CREG2: variants seen among roughly 807,000 people sequenced by gnomAD.
CREG2 encodes cellular repressor of E1A stimulated genes 2.
CREG2 carries 24 observed loss-of-function variants against 26.2 expected under a neutral mutation model. The ratio of observed to expected loss-of-function variants is 0.92; its 90% CI spans 0.66 to 1.29. The LOEUF is 1.29. Among genes scored for constraint, CREG2 ranks in the 50% most tolerant of loss-of-function variants. The probability of loss-of-function intolerance (pLI) is 0.00; values close to 1 mark genes in which losing one functional copy is unlikely to be tolerated. For missense variants in CREG2, 366 were observed against 398.6 expected (o/e 0.92, Z 0.70); for synonymous variants, 174 against 169.2 (o/e 1.03, Z -0.22).
chr2:101,381,434 G>C (rs1391123031), intron 2 of CREG2, among the ~76,000 whole-genome samples: 1 of 152,242 alleles, frequency 6.6e-6, no homozygotes, highest in Non-Finnish European at 1.5e-5. Flanking sequence ...CTTGGAATGC[G>C]AACCTCACAC....
intron 2 of CREG2, among the ~76,000 whole-genome samples, chr2:101,361,218 A>G (rs1684534524): frequency 6.6e-6 from 1 of 152,244 alleles, no homozygotes; most frequent in Admixed American, 6.5e-5. Flanking sequence ...GCATTTACAC[A>G]GTGGAAAACC....
At chr2:101,353,227 T>C in intron 3 of CREG2, among the ~76,000 whole-genome samples, 1 of 152,392 alleles carries the variant, frequency 6.6e-6, no homozygotes, top group African/African-American at 2.4e-5. Context: ...TCTCTGATGA[T>C]AGCTTCTTTT....
chr2:101,355,191 C>G, intron 3 of CREG2, 62 bp downstream of exon 3: 1 of 1,105,658 alleles, frequency 9.0e-7, no homozygotes, highest in South Asian at 1.3e-5. Flanking sequence ...ATGGCACAGC[C>G]TGACCTCTGC....
chr2:101,368,928 G>A (rs1273401343), intron 2 of CREG2, among the ~76,000 whole-genome samples: 2 of 152,164 alleles, frequency 1.3e-5, no homozygotes, highest in Non-Finnish European at 2.9e-5. Flanking sequence ...CACCCAGTCT[G>A]TGGTATTTTG....
intron 2 of CREG2, among the ~76,000 whole-genome samples, chr2:101,369,968 G>A (rs868779203): frequency 4.6e-5 from 7 of 152,304 alleles, no homozygotes; most frequent in South Asian, 2.1e-4. Flanking sequence ...TTTCTGAAAC[G>A]TGGTGGGGGT....
chr2:101,366,539 T>C (rs1014041637), intron 2 of CREG2, among the ~76,000 whole-genome samples: 16 of 152,054 alleles, frequency 1.1e-4, no homozygotes, highest in African/African-American at 2.4e-5. Flanking sequence ...ATAATACAAA[T>C]AGGCCAGGCG....
chr2:101,353,873 C>A (rs890458450), intron 3 of CREG2, among the ~76,000 whole-genome samples: 5 of 152,230 alleles, frequency 3.3e-5, no homozygotes, highest in South Asian at 2.1e-4. Flanking sequence ...AGCAAAAAAA[C>A]CAAACACTGC....
At chr2:101,372,017 C>A (rs1420431816) in intron 2 of CREG2, among the ~76,000 whole-genome samples, 1 of 152,042 alleles carries the variant, frequency 6.6e-6, no homozygotes, top group East Asian at 1.9e-4. Context: ...TTTTTGAAGG[C>A]CAGGTCAGGT....
chr2:101,355,210 A>T, intron 3 of CREG2, 43 bp downstream of exon 3: 2 of 1,233,746 alleles, frequency 1.6e-6, no homozygotes, highest in Non-Finnish European at 2.4e-6. Context: ...GCTTATTAGT[A>T]TTGTGTATTT....
At chr2:101,375,110 C>T (rs915975523) in intron 2 of CREG2, among the ~76,000 whole-genome samples, 1 of 152,206 alleles carries the variant, frequency 6.6e-6, no homozygotes, top group African/African-American at 2.4e-5. Flanking sequence ...TCCCCGCACA[C>T]TATCCCAGTT....
At chr2:101,369,735 C>T (rs866222724) in intron 2 of CREG2, among the ~76,000 whole-genome samples, 5 of 152,204 alleles carry the variant, frequency 3.3e-5, no homozygotes, top group African/African-American at 7.2e-5. Flanking sequence ...TTATCCGTGA[C>T]GGTGTTTAGC....
chr2:101,366,513 A>G (rs1166949930), intron 2 of CREG2, among the ~76,000 whole-genome samples: 1 of 152,140 alleles, frequency 6.6e-6, no homozygotes, highest in African/African-American at 2.4e-5. Flanking sequence ...AAAAAGCTAC[A>G]GTACAAAATA....
chr2:101,357,483 C>A (rs1684478843), intron 2 of CREG2, among the ~76,000 whole-genome samples: 1 of 152,140 alleles, frequency 6.6e-6, no homozygotes, highest in Admixed American at 6.5e-5. Context: ...ACAGCTTGTG[C>A]CTTATGCTGT....
intron 2 of CREG2, among the ~76,000 whole-genome samples, chr2:101,380,004 T>TATCTATC (rs1553447751): frequency 6.0e-5 from 9 of 149,714 alleles, no homozygotes; most frequent in African/African-American, 2.0e-4. Flanking sequence ...TCTATCTATC[T>TATCTATC]ATCTATCTAT....
In CREG2 at chr2:101,379,952, G is replaced by C. The variant is rs561874128; in HGVS notation, c.611+3581C>G. On this transcript the variant is annotated intron_variant, in intron 2 of 3. Coordinates refer to ENST00000324768, the MANE Select transcript of CREG2 (RefSeq NM_153836.4). ...TATTCGCTCTTTTGAATAGAGAAGA[G>C]TTGAATGTGTGAAAGCTTCTATCTA... Among the ~76,000 whole-genome samples the C allele has an allele frequency of 5.3e-5, 8 of 151,656 alleles. No individual in the cohort carries two copies. The South Asian group carries it at 1.7e-3, about 32-fold the overall frequency.
chr2:101,350,973 A>T lies in CREG2; in HGVS notation c.823T>A (p.Ser275Thr). 1 of 1,614,170 alleles carries T rather than the reference A, an allele frequency of 6.2e-7. No homozygotes were observed. Among genetic ancestry groups the T allele is most frequent in the Non-Finnish European group, 8.5e-7 (1 of 1,180,022 alleles). Residue 275 changes from serine to threonine, a missense_variant, in exon 4 of 4, where the codon TCC becomes ACC. Ser to Thr is a moderately conservative substitution (Grantham distance 58). Transcript: ENST00000324768. ...IWLQKWYGGA[S>T]SISREEYFKA... ...AAATATTCCTCCCTTGAAATACTGGATGCGCCTCCATACCATTTCTGAAGC... is the reference window on the plus strand; with the variant it reads ...AAATATTCCTCCCTTGAAATACTGGTTGCGCCTCCATACCATTTCTGAAGC...
intron 2 of CREG2, chr2:101,382,971 G>A (rs962576160): frequency 9.1e-6 from 9 of 985,602 alleles, no homozygotes; most frequent in African/African-American, 1.7e-5. Context: ...TCAGATAAAG[G>A]GGCCTGCATC....
At chr2:101,371,253 G>A (rs1251184754) in intron 2 of CREG2, among the ~76,000 whole-genome samples, 1 of 152,150 alleles carries the variant, frequency 6.6e-6, no homozygotes, top group African/African-American at 2.4e-5. Flanking sequence ...TGCGACACAT[G>A]CTATGGAGTG....
chr2:101,366,763 A>G (rs1684623054), intron 2 of CREG2, among the ~76,000 whole-genome samples: 1 of 152,140 alleles, frequency 6.6e-6, no homozygotes, highest in Non-Finnish European at 1.5e-5. Context: ...TGGAGGTTGC[A>G]GTGAGCCGAG....
Sources: gnomAD v4.1 joint callset for allele counts (sites outside exome capture counted in the v4.1 genomes callset) on GRCh38, gnomAD v4.1.1 for gene constraint, MANE v1.5 for transcripts, NCBI Gene and HGNC (gene_info 2026-07-23, HGNC 2026-07-21) for gene names.